HDAC8: variants seen among roughly 807,000 people sequenced by gnomAD.
HDAC8 encodes the protein histone deacetylase-like 1.
A neutral mutation model predicts 32.2 loss-of-function variants in HDAC8; 1 was observed. The observed-to-expected ratio is 0.03, with a 90% CI of 0.01 to 0.15. The LOEUF is 0.15. Among genes scored for constraint, HDAC8 ranks in the 10% least tolerant of loss-of-function variants. The pLI is 1.00. For missense variants in HDAC8, 117 were observed against 300.0 expected, an observed-to-expected ratio of 0.39 and a Z score of 4.51; for synonymous variants, 108 against 113.9, an observed-to-expected ratio of 0.95 and a Z score of 0.33.
intron 4 of HDAC8, among the ~76,000 whole-genome samples, chrX:72,542,680 G>A (rs1276080670): frequency 1.8e-5 from 2 of 111,834 alleles, no homozygotes; most frequent in Non-Finnish European, 3.8e-5. Flanking sequence ...GTGATCATGC[G>A]GAGGAAGGGC....
At chrX:72,503,192 A>T (rs2049281204) in intron 4 of HDAC8, among the ~76,000 whole-genome samples, 1 of 112,073 alleles carries the variant, frequency 8.9e-6, no homozygotes, top group African/African-American at 3.2e-5. Context: ...TACAAGCTAG[A>T]GGGCTTCATC....
chrX:72,374,060 T>A (rs1238801480), intron 9 of HDAC8, among the ~76,000 whole-genome samples: 1 of 111,341 alleles, frequency 9.0e-6, no homozygotes, highest in Non-Finnish European at 1.9e-5. Flanking sequence ...CTCTTGTTAT[T>A]TAGAGGTAGG....
At chrX:72,545,561 C>T (rs1250244567) in intron 4 of HDAC8, among the ~76,000 whole-genome samples, 2 of 111,679 alleles carry the variant, frequency 1.8e-5, no homozygotes, top group African/African-American at 6.5e-5. Flanking sequence ...TACCATCTTC[C>T]CCATTTCTAT....
intron 7 of HDAC8, chrX:72,474,800 ATC>A: frequency 1.6e-6 from 1 of 631,718 alleles, no homozygotes; most frequent in East Asian, 3.4e-5. Flanking sequence ...CAAGAACAAA[ATC>A]GTAGAGTTAC....
chrX:72,354,441 C>A (rs782335393), intron 9 of HDAC8, among the ~76,000 whole-genome samples: 1 of 112,801 alleles, frequency 8.9e-6, no homozygotes, highest in South Asian at 3.7e-4. Context: ...CAACTCAAGT[C>A]ATCACGGGTT....
At chrX:72,541,310 A>C (rs2050701960) in intron 4 of HDAC8, among the ~76,000 whole-genome samples, 1 of 112,008 alleles carries the variant, frequency 8.9e-6, no homozygotes, top group Admixed American at 9.5e-5. Context: ...GCAAAGCCCT[A>C]GAGGTGGGAA....
chrX:72,471,275 C>T (rs983113468), intron 7 of HDAC8, among the ~76,000 whole-genome samples: 2 of 112,321 alleles, frequency 1.8e-5, no homozygotes, highest in Admixed American at 9.4e-5. Flanking sequence ...ATTAATAATG[C>T]CACTATAGTA....
intron 4 of HDAC8, among the ~76,000 whole-genome samples, chrX:72,509,129 T>C (rs2049487257): frequency 9.3e-6 from 1 of 108,084 alleles, no homozygotes; most frequent in African/African-American, 3.4e-5. Context: ...TGAGACAGAA[T>C]CTTGCCTGTT....
intron 4 of HDAC8, among the ~76,000 whole-genome samples, chrX:72,557,958 T>TA (rs1388400796): frequency 9.0e-6 from 1 of 111,519 alleles, no homozygotes; most frequent in Non-Finnish European, 1.9e-5. Context: ...TAAGAACACT[T>TA]ACGTGCACAA....
intron 10 of HDAC8, among the ~76,000 whole-genome samples, chrX:72,345,929 C>T (rs1355726754): frequency 1.8e-5 from 2 of 111,898 alleles, no homozygotes; most frequent in Non-Finnish European, 3.8e-5. Flanking sequence ...AGCAATCCAC[C>T]TGCCTCAGTC....
rs2047255202 is a variant in HDAC8 at position 72,443,566 on chromosome X, G to A, written c.1005+18438C>T. Reference sequence around the variant, plus strand: ...TAGAGGGAAATTTATAGCACTAAATGCCCACAAGAGAAAGTAGGAAAGATC... The same window carrying A: ...TAGAGGGAAATTTATAGCACTAAATACCCACAAGAGAAAGTAGGAAAGATC... On this transcript the variant is annotated intron_variant, in intron 9 of 10. Transcript: ENST00000373573. Among the ~76,000 whole-genome samples, 3 of 111,711 alleles carry A rather than the reference G, an allele frequency of 2.7e-5. No homozygotes were observed. The South Asian group carries it at 1.1e-3, about 43-fold the overall frequency.
At chrX:72,496,857 G>C (rs937931436) in intron 4 of HDAC8, among the ~76,000 whole-genome samples, 2 of 109,571 alleles carry the variant, frequency 1.8e-5, no homozygotes, top group African/African-American at 6.6e-5. Context: ...GGAGAATACA[G>C]AGAAAAGCTA....
chrX:72,347,941 T>G (rs1324849718), intron 10 of HDAC8, among the ~76,000 whole-genome samples: 1 of 111,981 alleles, frequency 8.9e-6, no homozygotes, highest in Non-Finnish European at 1.9e-5. Flanking sequence ...TCCATGGTTT[T>G]GTGGGTCTTT....
chrX:72,389,256 G>A (rs1236288281), intron 9 of HDAC8, among the ~76,000 whole-genome samples: 1 of 111,961 alleles, frequency 8.9e-6, no homozygotes, highest in Non-Finnish European at 1.9e-5. Context: ...GCTAAAAAAG[G>A]ATACTGAGTC....
At chrX:72,526,949 C>T (rs1459045787) in intron 4 of HDAC8, among the ~76,000 whole-genome samples, 3 of 111,353 alleles carry the variant, frequency 2.7e-5, no homozygotes, top group African/African-American at 9.8e-5. Flanking sequence ...CTAGTCTCAC[C>T]CCCTGGATTT....
intron 9 of HDAC8, among the ~76,000 whole-genome samples, chrX:72,411,619 GAATA>G (rs1555970287): frequency 8.9e-6 from 1 of 112,102 alleles, no homozygotes; most frequent in African/African-American, 3.2e-5. Flanking sequence ...AAACATTTAT[GAATA>G]AATAAATGAA....
At chrX:72,468,494 C>T (rs1555996073) in intron 7 of HDAC8, among the ~76,000 whole-genome samples, 5 of 112,032 alleles carry the variant, frequency 4.5e-5, no homozygotes, top group Non-Finnish European at 9.4e-5. Context: ...ACTTCCAAAT[C>T]TAACATTCTT....
At chrX:72,458,861 A>G (rs2047793127) in intron 9 of HDAC8, among the ~76,000 whole-genome samples, 1 of 112,302 alleles carries the variant, frequency 8.9e-6, no homozygotes, top group Non-Finnish European at 1.9e-5. Context: ...TTTCACAGAA[A>G]AAAGTGTAAG....
chrX:72,457,764 C>A (rs782307823), intron 9 of HDAC8, among the ~76,000 whole-genome samples: 25 of 111,781 alleles, frequency 2.2e-4, no homozygotes, highest in African/African-American at 7.8e-4. Flanking sequence ...GATGTTACTC[C>A]TGCACAAATC....
Sources: gnomAD v4.1 joint callset for allele counts (sites outside exome capture counted in the v4.1 genomes callset) on GRCh38, gnomAD v4.1.1 for gene constraint, MANE v1.5 for transcripts, NCBI Gene and HGNC (gene_info 2026-07-23, HGNC 2026-07-21) for gene names.